ABCB8: variants seen among roughly 807,000 people sequenced by gnomAD.
The protein encoded by ABCB8 is mitochondrial potassium channel ATP-binding subunit.
In ABCB8, 52 loss-of-function variants were observed where a neutral mutation model predicts 73.0. The ratio of observed to expected loss-of-function variants is 0.71; its 90% CI spans 0.57 to 0.90. ABCB8 has a LOEUF of 0.90. ABCB8 is among the 40% of genes least tolerant of loss of function. The pLI, the probability that ABCB8 is intolerant of heterozygous loss-of-function variation, is 0.00. For missense variants in ABCB8, 909 were observed against 974.6 expected (o/e 0.93, Z 0.90); for synonymous variants, 428 against 423.5 (o/e 1.01, Z -0.13).
rs749913656 is a variant in ABCB8 at position 151,042,108 on chromosome 7, G to T, written c.1765G>T (p.Gly589Cys). The T allele has an allele frequency of 1.2e-6, 2 of 1,612,692 alleles. No homozygotes were observed. Among genetic ancestry groups the T allele is most frequent in the East Asian group, 4.5e-5 (2 of 44,892 alleles). The change falls in exon 14 of 16, where the codon GGT becomes TGT. Residue 589 changes from glycine to cysteine, a missense_variant and splice_region_variant. By Grantham distance (159) the Gly-to-Cys change is radical (BLOSUM62 -3). Transcript: ENST00000358849. Reference sequence around the variant, plus strand: ...CCCCGAGGGCTACAACACGGTCGTCGGTGGGTGCTCGGGTCTGCCGGGAAC... The same window carrying T: ...CCCCGAGGGCTACAACACGGTCGTCTGTGGGTGCTCGGGTCTGCCGGGAAC... ...SFPEGYNTVVGERGTTLSGGQ... is the reference protein window; with the variant it reads ...SFPEGYNTVVCERGTTLSGGQ...
chr7:151,035,872 C>T lies in ABCB8; in HGVS notation c.928-10C>T. On this transcript the variant is annotated splice_polypyrimidine_tract_variant and intron_variant, in intron 6 of 15. Transcript: ENST00000358849. ...TGGACTCCTTGTCCTGTTTCCTGGA[C>T]TCCTTGCAGATCGCCAGGGCAATGG... The T allele has an allele frequency of 6.2e-7, 1 of 1,612,922 alleles. No homozygotes were observed. Among genetic ancestry groups the T allele is most frequent in the Non-Finnish European group, 8.5e-7 (1 of 1,180,028 alleles).
chr7:151,036,853 T>C (rs138038711), intron 9 of ABCB8: 6 of 757,866 alleles, frequency 7.9e-6, no homozygotes, highest in South Asian at 6.9e-5. Flanking sequence ...GCAGTGGCGC[T>C]GCAGCAGGCA....
At position 151,028,509 on chromosome 7, in the gene ABCB8, C is replaced by T. The variant is rs1222626575; in HGVS notation, c.-7C>T. 9 of 1,611,906 alleles carry T rather than the reference C, an allele frequency of 5.6e-6. No homozygotes were observed. Among genetic ancestry groups the T allele is most frequent in the South Asian group, 1.1e-5 (1 of 90,704 alleles). ...ATTGCCGGCGGCTCCTGTTTTACCG[C>T]GTCAGCATGCTGGTGCATTTATTTC... On this transcript the variant is annotated 5_prime_UTR_variant, in exon 1 of 16. Transcript: ENST00000358849.
intron 1 of ABCB8, 127 bp from the exon 2 acceptor site, chr7:151,033,478 C>T: frequency 1.4e-6 from 2 of 1,454,404 alleles, no homozygotes; most frequent in Non-Finnish European, 1.8e-6. Flanking sequence ...CTGAGAAGGG[C>T]AGGGGCAAGG....
At chr7:151,037,177 T>C in intron 9 of ABCB8, 2 of 703,010 alleles carry the variant, frequency 2.8e-6, no homozygotes, top group East Asian at 5.4e-5. Flanking sequence ...AGGGACGTCC[T>C]CTAAGTGGAG....
intron 14 of ABCB8, among the ~76,000 whole-genome samples, chr7:151,043,268 C>T (rs1258680924): frequency 6.6e-6 from 1 of 152,238 alleles, no homozygotes; most frequent in African/African-American, 2.4e-5. Context: ...CCTTGGAGTG[C>T]ACCAAGCCCT....
intron 1 of ABCB8, 193 bp from the exon 2 acceptor site, chr7:151,033,412 C>A (rs970449568): frequency 1.1e-5 from 15 of 1,397,386 alleles, no homozygotes; most frequent in Admixed American, 6.2e-5. Context: ...TGCCTCATTC[C>A]TCTGCGACTT....
At position 151,044,097 on chromosome 7, in the gene ABCB8, G is replaced by A. The variant is rs748225363; in HGVS notation, c.1892G>A (p.Arg631Gln). 2.1e-5 allele frequency: 34 copies of A among 1,613,742 alleles called. No individual in the cohort carries two copies. The highest frequency in any genetic ancestry group is 4.0e-5 in the African/African-American group (3 of 74,930). ...ATSALDAESE[R>Q]VVQEALDRAS... The stretch of plus-strand genomic sequence containing the variant: ...AGCGCGCTGGATGCAGAGTCCGAGC[G>A]GGTTGTACAGGAGGCCCTGGACCGG... Residue 631 changes from arginine (R) to glutamine (Q), a missense_variant, in exon 15 of 16, where the codon CGG (arginine) becomes CAG (glutamine). Coordinates refer to ENST00000358849, the MANE Select transcript of ABCB8 (RefSeq NM_007188.5).
chr7:151,037,556 A>G (rs1458180664), intron 9 of ABCB8: 1 of 556,206 alleles, frequency 1.8e-6, no homozygotes, highest in African/African-American at 1.9e-5. Context: ...GTTATGGTAA[A>G]TAATGAGATA....
At chr7:151,041,521 A>G (rs1796465148) in intron 13 of ABCB8, among the ~76,000 whole-genome samples, 1 of 152,224 alleles carries the variant, frequency 6.6e-6, no homozygotes, top group Non-Finnish European at 1.5e-5. Flanking sequence ...CATAGCATCC[A>G]GGTCTAGAGA....
rs781520869 is a variant in ABCB8 at position 151,044,243 on chromosome 7, G to C, written c.2016+22G>C. The C allele has an allele frequency of 2.5e-6, 4 of 1,590,620 alleles. No homozygotes were observed. The Admixed American group carries it at 5.0e-5, about 20-fold the overall frequency. ...GGAGGTTAGTTGTCCTGGGGGCGTG[G>C]ATCAGTGGGTTGAGGATGGCTTCAT... On this transcript the variant is annotated intron_variant, in intron 15 of 15. Transcript: ENST00000358849.
intron 1 of ABCB8, 196 bp downstream of exon 1, chr7:151,028,806 T>C: frequency 6.4e-7 from 1 of 1,553,180 alleles, no homozygotes. Context: ...AGCAGGAGGC[T>C]CCTGCGTCTG....
At position 151,036,571 on chromosome 7, in the gene ABCB8, G is replaced by A; in HGVS notation, c.1139G>A (p.Gly380Glu). Residue 380 changes from glycine to glutamate, a missense_variant, in exon 9 of 16, where the codon GGG becomes GAG. Transcript: ENST00000358849. The stretch of plus-strand genomic sequence containing the variant: ...ATGGTCTTGGGTACCCTATTTATTG[G>A]GGGCTCCCTTGTGGCCGGACAGCAG... ...NCMVLGTLFI[G>E]GSLVAGQQLT... 1.2e-6 allele frequency: 2 copies of A among 1,614,072 alleles called. No homozygotes were observed. The highest frequency in any genetic ancestry group is 1.7e-4 in the Middle Eastern group (1 of 6,058).
chr7:151,033,831 C>G lies in ABCB8; in HGVS notation c.322C>G (p.Pro108Ala). ...AEEAPPASST[P>A]HVVGSRFNWK... ...AGAGGCCCCTCCTGCCAGCTCCACA[C>G]CCCATGTCGTGGGGTCTCGCTTTAA... The change falls in exon 2 of 16, where the codon CCC becomes GCC. Residue 108 changes from proline to alanine, a missense_variant. Transcript: ENST00000358849. 6.2e-7 allele frequency: 1 copy of G among 1,614,040 alleles called. No homozygotes were observed. The highest frequency in any genetic ancestry group is 8.5e-7 in the Non-Finnish European group (1 of 1,179,976).
At position 151,034,500 on chromosome 7, in the gene ABCB8, C is replaced by T. The variant is rs1175021712; in HGVS notation, c.565-5C>T. 5.6e-6 allele frequency: 9 copies of T among 1,613,404 alleles called. No individual in the cohort carries two copies. The highest frequency in any genetic ancestry group is 2.2e-5 in the South Asian group (2 of 91,092). On this transcript the variant is annotated splice_polypyrimidine_tract_variant and splice_region_variant and intron_variant, in intron 3 of 15. Coordinates refer to ENST00000358849, the MANE Select transcript of ABCB8 (RefSeq NM_007188.5). ...CATCCCTGAGTGCACTGGGCTCTTT[C>T]GCAGGGACTGCTGACCTTCGGGTAC... is the stretch of plus-strand genomic sequence containing the variant.
Position 151,047,702 on chromosome 7 carries a change from T to C in ABCB8, c.*2353T>C, listed in dbSNP as rs899198145. On this transcript the variant is annotated 3_prime_UTR_variant, in exon 16 of 16. Transcript: ENST00000358849. ...ACATCTGTGTGATGATACGGCAACA[T>C]TGTTTGTAATGGAAAGACTGGACAC... The C allele has an allele frequency of 3.9e-5, 6 of 152,242 alleles. No individual in the cohort carries two copies. The highest frequency in any genetic ancestry group is 8.8e-5 in the Non-Finnish European group (6 of 68,044). The allele number at this position is 152,242 out of a possible 1,614,324, so 9.4% of individuals were successfully genotyped here.
chr7:151,038,509 A>G (rs76349534), intron 9 of ABCB8: 4 of 147,134 alleles, frequency 2.7e-5, no homozygotes, highest in Non-Finnish European at 6.0e-5. Flanking sequence ...CTCCGTCTCA[A>G]AAAAAAAAAA....
Position 151,040,282 on chromosome 7 carries a change from T to C in ABCB8, c.1232T>C (p.Leu411Pro), listed in dbSNP as rs1422152398. Residue 411 changes from leucine to proline, a missense_variant, in exon 10 of 16, where the codon CTC becomes CCC. Transcript: ENST00000358849. Reference sequence around the variant, plus strand: ...TTTTCTGACAGGTCCATGGCCAACCTCTCTGTCCTGTTTGGGCAGGTGAGT... The same window carrying C: ...TTTTCTGACAGGTCCATGGCCAACCCCTCTGTCCTGTTTGGGCAGGTGAGT... Reference protein sequence around the residue: ...SQTVQRSMANLSVLFGQVVRG... With the variant: ...SQTVQRSMANPSVLFGQVVRG... 2 of 1,613,166 alleles carry C rather than the reference T, an allele frequency of 1.2e-6. No individual in the cohort carries two copies. The highest frequency in any genetic ancestry group is 1.7e-6 in the Non-Finnish European group (2 of 1,179,652).
intron 13 of ABCB8, among the ~76,000 whole-genome samples, 173 bp downstream of exon 13, chr7:151,041,405 C>T (rs1796462026): frequency 6.6e-6 from 1 of 152,238 alleles, no homozygotes; most frequent in African/African-American, 2.4e-5. Flanking sequence ...GCATCCCTGT[C>T]GTGGGAGCAG....
Sources: allele counts gnomAD v4.1 joint callset (sites outside exome capture counted in the v4.1 genomes callset), GRCh38; gene constraint gnomAD v4.1.1; transcripts MANE v1.5; gene names NCBI Gene and HGNC (gene_info 2026-07-23, HGNC 2026-07-21).